Variants in XIRP2 observed in about 807,000 individuals in gnomAD.
XIRP2 encodes the protein xin actin-binding repeat-containing protein 2.
In XIRP2, 236 loss-of-function variants were observed where a neutral mutation model predicts 277.0. The ratio of observed to expected loss-of-function variants is 0.85; its 90% CI spans 0.77 to 0.95. XIRP2 has a LOEUF of 0.95. Among genes scored for constraint, XIRP2 ranks in the 40% least tolerant of loss-of-function variants. The probability of loss-of-function intolerance (pLI) is 0.00; values close to 1 mark genes in which losing one functional copy is unlikely to be tolerated. For missense variants in XIRP2, 4,640 were observed against 4,157.5 expected (o/e 1.12, Z -3.19); for synonymous variants, 1,490 against 1,416.5 (o/e 1.05, Z -1.17).
chr2:167,186,853 A>T (rs577867278), intron 3 of XIRP2, among the ~76,000 whole-genome samples: 1 of 151,612 alleles, frequency 6.6e-6, no homozygotes, highest in Non-Finnish European at 1.5e-5. Flanking sequence ...ACTTAAGCCA[A>T]CACTAGAGTA....
chr2:167,183,540 T>G (rs1693075926), intron 3 of XIRP2, among the ~76,000 whole-genome samples: 1 of 152,216 alleles, frequency 6.6e-6, no homozygotes, highest in South Asian at 2.1e-4. Flanking sequence ...AATCTACCAT[T>G]GATTTCTTAA....
Position 166,903,941 on chromosome 2 carries a change from A to G in XIRP2, c.408+51A>G, listed in dbSNP as rs869070579. 10 of 1,562,758 alleles carry G rather than the reference A, an allele frequency of 6.4e-6. No homozygotes were observed. In the Admixed American group the frequency reaches 7.4e-5, roughly 12 times the overall value. ...ATGTTTACATATGACTTCCTTGCCTAGCCTACCATTTATTACTAAGCATGT... is the reference window on the plus strand; with the variant it reads ...ATGTTTACATATGACTTCCTTGCCTGGCCTACCATTTATTACTAAGCATGT... On this transcript the variant is annotated intron_variant, in intron 2 of 10. Coordinates refer to ENST00000409195, the MANE Select transcript of XIRP2 (RefSeq NM_152381.6).
At chr2:167,036,275 AGC>A in intron 2 of XIRP2, among the ~76,000 whole-genome samples, 1 of 152,164 alleles carries the variant, frequency 6.6e-6, no homozygotes, top group South Asian at 2.1e-4. Flanking sequence ...TGCCTGGAAA[AGC>A]TGCAGTCATT....
intron 3 of XIRP2, among the ~76,000 whole-genome samples, chr2:167,183,701 C>A (rs889118948): frequency 6.6e-6 from 1 of 151,354 alleles, no homozygotes; most frequent in Non-Finnish European, 1.5e-5. Flanking sequence ...ATTTTAAAGT[C>A]CTTATCTGCT....
At chr2:167,183,002 A>G (rs1221547869) in intron 3 of XIRP2, among the ~76,000 whole-genome samples, 1 of 152,204 alleles carries the variant, frequency 6.6e-6, no homozygotes, top group Non-Finnish European at 1.5e-5. Flanking sequence ...CTCATAGCCT[A>G]GAAAAGAAGC....
At position 167,245,846 on chromosome 2, in the gene XIRP2, G is replaced by A. The variant is rs755748355; in HGVS notation, c.4454G>A (p.Gly1485Asp). 1.2e-5 allele frequency: 20 copies of A among 1,613,632 alleles called. No individual in the cohort carries two copies. The South Asian group carries it at 2.2e-4, about 18-fold the overall frequency. Residue 1485 changes from glycine to aspartate, a missense_variant, in exon 9 of 11, where the codon GGT becomes GAT. Physicochemically the swap from Gly to Asp is moderately conservative, Grantham distance 94 (BLOSUM62 -1). Transcript: ENST00000409195. ...GTCACTCAGGAAGATGTGCAGAAAG[G>A]TGATGTTAAGCAGGCTGTGTGGCTT... is the stretch of plus-strand genomic sequence containing the variant. ...KTVTQEDVQK[G>D]DVKQAVWLFE...
rs574559004 is a variant in XIRP2, at chr2:167,156,859, G to T, written c.562+20797G>T. Among the ~76,000 whole-genome samples the T allele has an allele frequency of 6.6e-5, 10 of 152,254 alleles. No homozygotes were observed. In the South Asian group the frequency reaches 2.1e-3, roughly 32 times the overall value. The stretch of plus-strand genomic sequence containing the variant: ...CAAAATATGAATGGCTTTTTAGTCA[G>T]TTAAAAGAATGGATGAGGAAATAGA... On this transcript the variant is annotated intron_variant, in intron 3 of 10. Transcript: ENST00000409195.
rs756944506 is a variant in XIRP2, at chr2:167,245,033, C to G, written c.3641C>G (p.Ser1214Cys). ...FENQSLDSIS[S>C]SSEEVLKKIK... ...AATCAGTCCTTAGATTCTATAAGTT[C>G]TAGTTCAGAGGAAGTTTTGAAAAAG... Residue 1214 changes from serine (S) to cysteine (C), a missense_variant, in exon 9 of 11, where the codon TCT becomes TGT. Ser to Cys is a moderately radical substitution (Grantham distance 112). Transcript: ENST00000409195. 1.2e-6 allele frequency: 2 copies of G among 1,612,836 alleles called. No homozygotes were observed. Among genetic ancestry groups the G allele is most frequent in the South Asian group, 2.2e-5 (2 of 90,792 alleles).
At chr2:167,219,111 C>T (rs922537) in intron 5 of XIRP2, among the ~76,000 whole-genome samples, 22,933 of 151,666 alleles carry the variant, frequency 0.15, 2,145 homozygotes, top group African/African-American at 0.27. Context: ...GAAGCAATTG[C>T]GTGCTATGTG....
chr2:167,078,787 G>A (rs1218882966), intron 2 of XIRP2, among the ~76,000 whole-genome samples: 1 of 148,616 alleles, frequency 6.7e-6, no homozygotes, highest in Non-Finnish European at 1.5e-5. Flanking sequence ...GCAGTGAGCC[G>A]AGATCGCGCC....
intron 2 of XIRP2, among the ~76,000 whole-genome samples, chr2:167,097,998 A>G (rs547499872): frequency 6.6e-6 from 1 of 151,688 alleles, no homozygotes; most frequent in East Asian, 1.9e-4. Context: ...CTTCATTTCA[A>G]CCTTCGTGAA....
intron 3 of XIRP2, among the ~76,000 whole-genome samples, chr2:167,151,077 C>T (rs981706134): frequency 2.7e-5 from 4 of 150,138 alleles, no homozygotes; most frequent in Admixed American, 2.0e-4. Flanking sequence ...GCACATTTCA[C>T]CATCTGAAGA....
Position 167,179,642 on chromosome 2 carries a change from A to AT in XIRP2, c.563-31077dup, listed in dbSNP as rs58591089. ...GCCTAATCATTTTCTTTATCTGATA[A>AT]TTTTTTTTTTTTTTTTGAGACAGGG... On this transcript the variant is annotated intron_variant, in intron 3 of 10. Transcript: ENST00000409195. Among the ~76,000 whole-genome samples the AT allele has an allele frequency of 7.9e-3, 1,071 of 136,430 alleles. 9 individuals carry two copies. Among genetic ancestry groups the AT allele is most frequent in the Middle Eastern group, 0.024 (6 of 246 alleles). The allele number at this position is 136,430 out of a possible 152,430, so 89.5% of individuals were successfully genotyped here.
At chr2:167,102,913 T>C (rs57471298) in intron 2 of XIRP2, among the ~76,000 whole-genome samples, 15,544 of 152,124 alleles carry the variant, frequency 0.1, 1,611 homozygotes, top group African/African-American at 0.26. Flanking sequence ...AAAATACAAT[T>C]TTACTATAAC....
At chr2:167,226,374 C>G (rs2105410969) in intron 5 of XIRP2, among the ~76,000 whole-genome samples, 1 of 152,242 alleles carries the variant, frequency 6.6e-6, no homozygotes, top group African/African-American at 2.4e-5. Context: ...TCCACCTTCC[C>G]TATAGCTCTG....
In XIRP2 at chr2:167,043,460, GA is replaced by G. The variant is rs1184272157; in HGVS notation, c.409-92443del. 3.3e-5 allele frequency among the ~76,000 whole-genome samples: 5 copies of G among 151,914 alleles called. No individual in the cohort carries two copies. In the East Asian group the frequency reaches 7.7e-4, roughly 23 times the overall value. ...ATAGCCTAGTAGCTAGACTAATAAA[GA>G]AAAAACAGAGAAGATTCAAATAAAC... On this transcript the variant is annotated intron_variant, in intron 2 of 10. Coordinates refer to ENST00000409195, the MANE Select transcript of XIRP2 (RefSeq NM_152381.6).
intron 5 of XIRP2, among the ~76,000 whole-genome samples, chr2:167,236,393 G>T (rs775702595): frequency 1.3e-5 from 2 of 152,004 alleles, no homozygotes; most frequent in Non-Finnish European, 2.9e-5. Context: ...TTCCTGTGCA[G>T]GAGAAATCTC....
intron 2 of XIRP2, among the ~76,000 whole-genome samples, chr2:167,095,141 T>C (rs1266927136): frequency 6.6e-6 from 1 of 152,250 alleles, no homozygotes; most frequent in East Asian, 1.9e-4. Context: ...ATAGGAATGC[T>C]TGTGATTTTT....
chr2:166,958,852 T>A (rs1490738837), intron 2 of XIRP2, among the ~76,000 whole-genome samples: 1 of 151,796 alleles, frequency 6.6e-6, no homozygotes, highest in East Asian at 1.9e-4. Context: ...AAATAAATAA[T>A]CAGCCTTTCA....
Sources: allele counts gnomAD v4.1 joint callset (sites outside exome capture counted in the v4.1 genomes callset), GRCh38; gene constraint gnomAD v4.1.1; transcripts MANE v1.5; gene names NCBI Gene and HGNC (gene_info 2026-07-23, HGNC 2026-07-21).